HDDC2: variants seen among roughly 807,000 people sequenced by gnomAD.
HDDC2 encodes 5'-deoxynucleotidase HDDC2.
Under a neutral mutation model 25.5 loss-of-function variants are expected in HDDC2, and 25 were observed. The observed-to-expected ratio is 0.98, with a 90% confidence interval of 0.72 to 1.37. The LOEUF is 1.37. Among genes scored for constraint, HDDC2 ranks in the 40% most tolerant of loss-of-function variants. The pLI is 0.00. For synonymous variants in HDDC2, 106 were observed against 89.7 expected, an observed-to-expected ratio of 1.18 and a Z score of -1.03; for missense variants, 264 against 253.1, an observed-to-expected ratio of 1.04 and a Z score of -0.29.
intron 4 of HDDC2, among the ~76,000 whole-genome samples, chr6:125,288,273 G>A (rs569401722): frequency 2.0e-4 from 30 of 152,264 alleles, no homozygotes; most frequent in Middle Eastern, 3.4e-3. Context: ...GGCACAGACA[G>A]GGGAGGGGGA....
chr6:125,282,563 A>G (rs1215542201), intron 4 of HDDC2, among the ~76,000 whole-genome samples: 1 of 152,226 alleles, frequency 6.6e-6, no homozygotes, highest in Non-Finnish European at 1.5e-5. Flanking sequence ...GTGAAAACAA[A>G]CCAAAATGCA....
Position 125,298,773 on chromosome 6 carries a change from C to T in HDDC2, c.250G>A (p.Val84Ile), listed in dbSNP as rs760973546. ...ALVHDMAECI[V>I]GDIAPADNIP... ...TTATCTGCTGGTGCTATGTCCCCAACGATGCATTCTGCCATATCATGAACC... is the reference window on the plus strand; with the variant it reads ...TTATCTGCTGGTGCTATGTCCCCAATGATGCATTCTGCCATATCATGAACC... The change falls in exon 3 of 6, where the codon GTT becomes ATT. Residue 84 changes from valine (V) to isoleucine (I), a missense_variant. Val to Ile is a conservative substitution (Grantham distance 29). Coordinates refer to ENST00000398153, the MANE Select transcript of HDDC2 (RefSeq NM_016063.3). 14 of 1,614,118 alleles carry T rather than the reference C, an allele frequency of 8.7e-6. No homozygotes were observed. Among genetic ancestry groups the T allele is most frequent in the Middle Eastern group, 1.7e-4 (1 of 6,060 alleles).
rs1798379810 is a variant in HDDC2, at chr6:125,277,012, C to T, written c.517+90G>A. On this transcript the variant is annotated intron_variant, in intron 5 of 5. Transcript: ENST00000398153. Reference sequence around the variant, plus strand: ...CACATGAAAGGGTCAGATGAAGGTACCAACAGTGGGTTTCCCTAATATTAA... The same window carrying T: ...CACATGAAAGGGTCAGATGAAGGTATCAACAGTGGGTTTCCCTAATATTAA... 7 of 1,316,472 alleles carry T rather than the reference C, an allele frequency of 5.3e-6. 1 individual carries two copies. The Admixed American group carries it at 5.6e-5, about 11-fold the overall frequency. 81.5% of individuals were successfully genotyped at this position (1,316,472 alleles called of 1,614,324 possible).
intron 3 of HDDC2, among the ~76,000 whole-genome samples, chr6:125,297,101 C>G (rs1007947156): frequency 1.3e-5 from 2 of 152,138 alleles, no homozygotes; most frequent in African/African-American, 4.8e-5. Flanking sequence ...CCAGATTTAC[C>G]CTTGAATAAA....
rs1179311944 is a variant in HDDC2, at chr6:125,297,726, C to T, written c.309+988G>A. ...GCAATTTAGGACCAATCTCTTAGGC[C>T]TCTAATAAAAGTAGCTAGCAATAAC... On this transcript the variant is annotated intron_variant, in intron 3 of 5. Coordinates refer to ENST00000398153, the MANE Select transcript of HDDC2 (RefSeq NM_016063.3). Among the ~76,000 whole-genome samples, 4 of 152,156 alleles carry T rather than the reference C, an allele frequency of 2.6e-5. No individual in the cohort carries two copies. In the East Asian group the frequency reaches 7.7e-4, roughly 29 times the overall value.
Position 125,300,563 on chromosome 6 carries a change from T to G in HDDC2, c.181A>C (p.Lys61Gln), listed in dbSNP as rs1798781570. The G allele has an allele frequency of 1.2e-6, 2 of 1,614,142 alleles. No individual in the cohort carries two copies. The change falls in exon 2 of 6, where the codon AAA becomes CAA. Residue 61 changes from lysine (K) to glutamine (Q), a missense_variant. Physicochemically the swap from Lys to Gln is moderately conservative, Grantham distance 53. Transcript: ENST00000398153. The part of the protein sequence containing the change: ...YRMAVMAMVI[K>Q]DDRLNKDRCV... ...CGGTCTTTGTTAAGACGGTCATCTTTGATCACCATAGCCATAACTGCCATC... is the reference window on the plus strand; with the variant it reads ...CGGTCTTTGTTAAGACGGTCATCTTGGATCACCATAGCCATAACTGCCATC...
rs1258543079 is a variant in HDDC2, at chr6:125,300,538, C to T, written c.206G>A (p.Arg69Gln). Reference sequence around the variant, plus strand: ...AGCATCAAAGTCCAGCTCAGCTTACCGGTCTTTGTTAAGACGGTCATCTTT... The same window carrying T: ...AGCATCAAAGTCCAGCTCAGCTTACTGGTCTTTGTTAAGACGGTCATCTTT... ...VIKDDRLNKDRCVRLALVHDM... is the reference protein window; with the variant it reads ...VIKDDRLNKDQCVRLALVHDM... Residue 69 changes from arginine (R) to glutamine (Q), a missense_variant and splice_region_variant, in exon 2 of 6, where the codon CGA becomes CAA. Coordinates refer to ENST00000398153, the MANE Select transcript of HDDC2 (RefSeq NM_016063.3). 4.3e-6 allele frequency: 7 copies of T among 1,613,192 alleles called. No individual in the cohort carries two copies. Among genetic ancestry groups the T allele is most frequent in the Admixed American group, 3.3e-5 (2 of 59,798 alleles).
At chr6:125,291,395 T>C (rs998336453) in intron 4 of HDDC2, among the ~76,000 whole-genome samples, 2 of 152,160 alleles carry the variant, frequency 1.3e-5, no homozygotes, top group Non-Finnish European at 2.9e-5. Context: ...ATTTCCTTAT[T>C]TTAGAAAAAT....
chr6:125,279,239 GCT>G, intron 4 of HDDC2: 1 of 152,324 alleles, frequency 6.6e-6, no homozygotes, highest in East Asian at 1.9e-4. Flanking sequence ...AGCACAAGGA[GCT>G]TACATCAAAG....
rs1352113710 is a variant in HDDC2 at position 125,300,587 on chromosome 6, T to G, written c.157A>C (p.Met53Leu). 2 of 1,614,196 alleles carry G rather than the reference T, an allele frequency of 1.2e-6. No homozygotes were observed. The highest frequency in any genetic ancestry group is 1.7e-6 in the Non-Finnish European group (2 of 1,180,022). The change falls in exon 2 of 6, where the codon ATG becomes CTG. Residue 53 changes from methionine to leucine, a missense_variant. Physicochemically the swap from Met to Leu is conservative, Grantham distance 15 (BLOSUM62 2). Transcript: ENST00000398153. ...TTGATCACCATAGCCATAACTGCCATCCGGTACATGTGATCTGAAACGCTC... is the reference window on the plus strand; with the variant it reads ...TTGATCACCATAGCCATAACTGCCAGCCGGTACATGTGATCTGAAACGCTC... Reference protein sequence around the residue: ...PESVSDHMYRMAVMAMVIKDD... With the variant: ...PESVSDHMYRLAVMAMVIKDD...
intron 4 of HDDC2, among the ~76,000 whole-genome samples, chr6:125,286,415 T>C (rs1034429176): frequency 6.6e-6 from 1 of 152,350 alleles, no homozygotes; most frequent in South Asian, 2.1e-4. Flanking sequence ...TGGTGGTATA[T>C]ACAACTGTCA....
intron 5 of HDDC2, 105 bp downstream of exon 5, chr6:125,276,997 G>T (rs1192584674): frequency 1.8e-6 from 2 of 1,088,224 alleles, no homozygotes; most frequent in Non-Finnish European, 1.4e-6. Context: ...CACATGAAAG[G>T]GTCAGATGAA....
rs761516694 is a variant in HDDC2 at position 125,301,814 on chromosome 6, C to G, written c.84+35G>C. On this transcript the variant is annotated intron_variant, in intron 1 of 5. Transcript: ENST00000398153. ...CTCCGCCGCCCCACAGTCCCGCCCGCTCGGCCGCGGCCTCCCGGCCTGGTG... is the reference window on the plus strand; with the variant it reads ...CTCCGCCGCCCCACAGTCCCGCCCGGTCGGCCGCGGCCTCCCGGCCTGGTG... The G allele has an allele frequency of 4.0e-6, 6 of 1,505,732 alleles. No homozygotes were observed. In the South Asian group the frequency reaches 7.2e-5, roughly 18 times the overall value. 93.3% of individuals were successfully genotyped at this position (1,505,732 alleles called of 1,614,324 possible).
At chr6:125,293,007 T>G (rs745420829) in intron 3 of HDDC2, 98 bp from the exon 4 acceptor site, 1 of 936,290 alleles carries the variant, frequency 1.1e-6, no homozygotes, top group Non-Finnish European at 1.7e-6. Flanking sequence ...TACAAACAAC[T>G]CTCACAGGGG....
At chr6:125,280,907 T>C (rs1798448767) in intron 4 of HDDC2, among the ~76,000 whole-genome samples, 1 of 152,216 alleles carries the variant, frequency 6.6e-6, no homozygotes, top group Non-Finnish European at 1.5e-5. Flanking sequence ...GCTTCCTGAC[T>C]GGGAGACACC....
chr6:125,276,346 G>T, intron 5 of HDDC2, 103 bp from the exon 6 acceptor site: 2 of 817,326 alleles, frequency 2.4e-6, no homozygotes, highest in South Asian at 1.5e-5. Context: ...TCTAGTCTAC[G>T]ATCTGACCCA....
At chr6:125,285,389 T>A (rs980154673) in intron 4 of HDDC2, among the ~76,000 whole-genome samples, 1 of 152,124 alleles carries the variant, frequency 6.6e-6, no homozygotes, top group Non-Finnish European at 1.5e-5. Context: ...AAGGTTGTTT[T>A]AGAAACTAAG....
At chr6:125,295,884 G>C (rs970277155) in intron 3 of HDDC2, among the ~76,000 whole-genome samples, 4 of 151,932 alleles carry the variant, frequency 2.6e-5, no homozygotes, top group Admixed American at 6.6e-5. Context: ...TTATCAACCT[G>C]CATTATCAAC....
chr6:125,276,381 A>C (rs960970840), intron 5 of HDDC2, 138 bp from the exon 6 acceptor site: 1 of 663,804 alleles, frequency 1.5e-6, no homozygotes, highest in Non-Finnish European at 2.6e-6. Context: ...GCAGAAAGAG[A>C]TTCCAGGTCC....
Sources: allele counts gnomAD v4.1 joint callset (sites outside exome capture counted in the v4.1 genomes callset), GRCh38; gene constraint gnomAD v4.1.1; transcripts MANE v1.5; gene names NCBI Gene and HGNC (gene_info 2026-07-23, HGNC 2026-07-21).